The following VIPR1 variants were observed in gnomAD, a reference collection of about 807,000 sequenced individuals.
VIPR1 encodes vasoactive intestinal polypeptide receptor 1.
Under a neutral mutation model 58.8 loss-of-function variants are expected in VIPR1, and 59 were observed. The observed-to-expected ratio is 1.00, with a 90% CI of 0.81 to 1.25. The LOEUF is 1.25. VIPR1 is among the 50% of genes most tolerant of loss of function. The pLI, the probability that VIPR1 is intolerant of heterozygous loss-of-function variation, is 0.00. For missense variants in VIPR1, 626 were observed against 602.7 expected (o/e 1.04, Z -0.40); for synonymous variants, 251 against 242.1 (o/e 1.04, Z -0.34).
chr3:42,525,953 T>C lies in VIPR1; in HGVS notation c.359T>C (p.Ile120Thr), dbSNP rs747381953. The C allele has an allele frequency of 7.4e-6, 12 of 1,613,662 alleles. No individual in the cohort carries two copies. The South Asian group carries it at 9.9e-5, about 13-fold the overall frequency. The change falls in exon 4 of 13, where the codon ATT (isoleucine) becomes ACT (threonine). Residue 120 changes from isoleucine to threonine, a missense_variant. By Grantham distance (89) the Ile-to-Thr change is moderately conservative. Transcript: ENST00000325123. ...WTHLEPGPYP[I>T]ACGLDDKAAS... Reference sequence around the variant, plus strand: ...CACCTGGAGCCTGGCCCGTACCCCATTGCCTGTGGTTTGGATGACAAGGCA... The same window carrying C: ...CACCTGGAGCCTGGCCCGTACCCCACTGCCTGTGGTTTGGATGACAAGGCA...
At chr3:42,502,473 G>A (rs1354160117), upstream of VIPR1, 4 of 341,248 alleles carry the variant, frequency 1.2e-5, no homozygotes, top group East Asian at 1.8e-4. Context: ...GGCAAAGAGA[G>A]AGCAGAGCTT....
intron 5 of VIPR1, 168 bp from the exon 6 acceptor site, chr3:42,527,823 C>G: frequency 1.0e-6 from 1 of 1,004,006 alleles, no homozygotes; most frequent in African/African-American, 1.6e-5. Context: ...GGATGGGGTA[C>G]CTGGGGGTGG....
chr3:42,515,108 A>T (rs962325506), intron 2 of VIPR1, among the ~76,000 whole-genome samples: 3 of 152,182 alleles, frequency 2.0e-5, no homozygotes, highest in Non-Finnish European at 4.4e-5. Flanking sequence ...CTGAGCTTAC[A>T]GTTATGTAAC....
intron 11 of VIPR1, 46 bp downstream of exon 11, chr3:42,535,150 G>A: frequency 5.0e-6 from 8 of 1,613,220 alleles, no homozygotes; most frequent in Non-Finnish European, 6.8e-6. Flanking sequence ...GGCTTTTAAG[G>A]GAATTCAACC....
At chr3:42,505,931 G>A (rs1322138341) in intron 1 of VIPR1, among the ~76,000 whole-genome samples, 2 of 152,196 alleles carry the variant, frequency 1.3e-5, no homozygotes, top group African/African-American at 4.8e-5. Flanking sequence ...GGAGCACCAG[G>A]GTCTCTGTGA....
At chr3:42,523,640 C>CACACAT (rs1553638629) in intron 3 of VIPR1, among the ~76,000 whole-genome samples, 26,033 of 150,686 alleles carry the variant, frequency 0.17, 2,485 homozygotes, top group Non-Finnish European at 0.22. Flanking sequence ...CACACACACA[C>CACACAT]GGCATGTGAA....
At position 42,494,470 on chromosome 3, in the gene VIPR1, G is replaced by T. The variant is rs565818859; in HGVS notation, c.-245+4792G>T. Among the ~76,000 whole-genome samples the T allele has an allele frequency of 2.0e-5, 3 of 152,122 alleles. No individual in the cohort carries two copies. The South Asian group carries it at 6.2e-4, about 32-fold the overall frequency. ...ACTATCTGAGCTTGGTATTTTTTAGGGGTAAATTTAATGGTTTATATTTCT... is the reference window on the plus strand; with the variant it reads ...ACTATCTGAGCTTGGTATTTTTTAGTGGTAAATTTAATGGTTTATATTTCT... On this transcript the variant is annotated intron_variant, in intron 1 of 13. Coordinates refer to the VIPR1 transcript ENST00000433647.
At chr3:42,532,688 C>A in intron 10 of VIPR1, 1 of 356,940 alleles carries the variant, frequency 2.8e-6, no homozygotes, top group Non-Finnish European at 5.3e-6. Flanking sequence ...AAAAAGGGTG[C>A]AATAAACACA....
chr3:42,533,281 C>T (rs1268223221), intron 10 of VIPR1: 1 of 152,184 alleles, frequency 6.6e-6, no homozygotes, highest in African/African-American at 2.4e-5. Context: ...TAGAATGTCA[C>T]AGACTGCTGG....
intron 1 of VIPR1, among the ~76,000 whole-genome samples, chr3:42,493,889 A>G (rs1449602694): frequency 1.3e-5 from 2 of 152,120 alleles, no homozygotes; most frequent in Non-Finnish European, 2.9e-5. Flanking sequence ...CTTTCTGGAA[A>G]CATCTGGTTT....
chr3:42,502,717 CG>C lies in VIPR1; in HGVS notation c.-18del. 1 of 1,289,730 alleles carries C rather than the reference CG, an allele frequency of 7.8e-7. No homozygotes were observed. 79.9% of individuals were successfully genotyped at this position (1,289,730 alleles called of 1,614,324 possible). On this transcript the variant is annotated 5_prime_UTR_variant, in exon 1 of 13. Transcript: ENST00000325123. ...TCTTTGCCCGCGCGGGGCCGCCCGC[CG>C]CGGGCTCAGGGCAGACCATGCGCCC... is the stretch of plus-strand genomic sequence containing the variant.
chr3:42,523,183 C>T (rs1043456681), intron 3 of VIPR1, among the ~76,000 whole-genome samples: 1 of 151,990 alleles, frequency 6.6e-6, no homozygotes, highest in African/African-American at 2.4e-5. Context: ...TTGGGCCTGC[C>T]GGTTTCCAGG....
intron 1 of VIPR1, among the ~76,000 whole-genome samples, chr3:42,510,243 T>C (rs1037368249): frequency 6.6e-6 from 1 of 152,142 alleles, no homozygotes; most frequent in African/African-American, 2.4e-5. Context: ...CCACTTCTAA[T>C]TGTCTAACTT....
chr3:42,513,541 G>A, intron 1 of VIPR1: 1 of 536,858 alleles, frequency 1.9e-6, no homozygotes, highest in Non-Finnish European at 3.3e-6. Context: ...TCAAGAAGCT[G>A]TGGCAGGGTC....
rs575841445 is a variant in VIPR1, at chr3:42,510,872, A to C, written c.79-2877A>C. ...GGGGCAGAGTTGGCTGGAGAAGTTG[A>C]CCCAACACTCTTCTACCCTCAGAGA... On this transcript the variant is annotated intron_variant, in intron 1 of 12. Transcript: ENST00000325123. Among the ~76,000 whole-genome samples, 4 of 152,080 alleles carry C rather than the reference A, an allele frequency of 2.6e-5. No homozygotes were observed. The South Asian group carries it at 8.3e-4, about 32-fold the overall frequency.
intron 3 of VIPR1, among the ~76,000 whole-genome samples, chr3:42,523,604 T>TACACAC (rs60726747): frequency 0.037 from 4,836 of 129,874 alleles, 180 homozygotes; most frequent in African/African-American, 0.097. Flanking sequence ...CCTCCGCCAC[T>TACACAC]ACACACACAC....
At chr3:42,494,052 G>A (rs1332091006) in intron 1 of VIPR1, among the ~76,000 whole-genome samples, 1 of 152,228 alleles carries the variant, frequency 6.6e-6, no homozygotes, top group East Asian at 1.9e-4. Flanking sequence ...CTAAGGCACA[G>A]CAGCTGACAA....
chr3:42,503,250 G>T (rs1353995197), intron 1 of VIPR1, among the ~76,000 whole-genome samples: 1 of 152,126 alleles, frequency 6.6e-6, no homozygotes. Context: ...GTGCCTGTGG[G>T]CTGTCAGCAT....
At chr3:42,527,603 C>A in intron 5 of VIPR1, 107 bp downstream of exon 5, 2 of 1,064,296 alleles carry the variant, frequency 1.9e-6, no homozygotes, top group Non-Finnish European at 2.8e-6. Flanking sequence ...CACTGTTGCC[C>A]CCCAGCAGCA....
Sources: allele counts gnomAD v4.1 joint callset (sites outside exome capture counted in the v4.1 genomes callset), GRCh38; gene constraint gnomAD v4.1.1; transcripts MANE v1.5; gene names NCBI Gene and HGNC (gene_info 2026-07-23, HGNC 2026-07-21).